PHACTR3: variants seen among roughly 807,000 people sequenced by gnomAD.
PHACTR3 encodes the protein protein phosphatase 1, regulatory subunit 123.
Under a neutral mutation model 66.8 loss-of-function variants are expected in PHACTR3, and 16 were observed. The observed-to-expected ratio is 0.24, with a 90% CI of 0.16 to 0.36. The LOEUF (loss-of-function observed/expected upper bound fraction) is 0.36. Among genes scored for constraint, PHACTR3 ranks in the 10% least tolerant of loss-of-function variants. The probability of loss-of-function intolerance (pLI) is 1.00; values close to 1 mark genes in which losing one functional copy is unlikely to be tolerated. For synonymous variants in PHACTR3, 323 were observed against 292.1 expected (o/e 1.11, Z -1.08); for missense variants, 647 against 719.9 (o/e 0.90, Z 1.16).
At chr20:59,584,285 AGT>A (rs760136206) in intron 1 of PHACTR3, among the ~76,000 whole-genome samples, 16 of 150,384 alleles carry the variant, frequency 1.1e-4, no homozygotes, top group Non-Finnish European at 2.2e-4. Flanking sequence ...GCCGTGCAAG[AGT>A]GTGTACGTGC....
At chr20:59,602,611 T>A (rs1350386776), upstream of PHACTR3, among the ~76,000 whole-genome samples, 1 of 152,090 alleles carries the variant, frequency 6.6e-6, no homozygotes, top group East Asian at 1.9e-4. Flanking sequence ...TGGTGTGATC[T>A]TTCTCCTCCC....
At chr20:59,646,261 T>C (rs923442225) in intron 1 of PHACTR3, among the ~76,000 whole-genome samples, 4 of 152,202 alleles carry the variant, frequency 2.6e-5, no homozygotes, top group African/African-American at 9.6e-5. Flanking sequence ...TGGCCTCCTT[T>C]GTATACCTGG....
intron 1 of PHACTR3, among the ~76,000 whole-genome samples, chr20:59,625,713 C>T (rs376514612): frequency 1.1e-4 from 16 of 152,110 alleles, no homozygotes; most frequent in Non-Finnish European, 1.9e-4. Flanking sequence ...ATCCTCCCTG[C>T]GGAGGCATGC....
intron 4 of PHACTR3, among the ~76,000 whole-genome samples, chr20:59,757,619 G>A (rs2039848130): frequency 6.6e-6 from 1 of 152,136 alleles, no homozygotes; most frequent in African/African-American, 2.4e-5. Context: ...CGTCGGTGGT[G>A]AAAGGGTGGG....
At chr20:59,831,088 G>C (rs548753482) in intron 8 of PHACTR3, among the ~76,000 whole-genome samples, 15 of 152,008 alleles carry the variant, frequency 9.9e-5, no homozygotes, top group African/African-American at 3.1e-4. Flanking sequence ...CAGGTGTGTC[G>C]TAGGTGACTG....
chr20:59,596,522 TTGTC>T (rs1600882191), intron 1 of PHACTR3, among the ~76,000 whole-genome samples: 1 of 152,250 alleles, frequency 6.6e-6, no homozygotes, highest in African/African-American at 2.4e-5. Flanking sequence ...ACCCAGGTTT[TTGTC>T]TGGTTAATTT....
chr20:59,696,776 G>A (rs942918941), intron 1 of PHACTR3, among the ~76,000 whole-genome samples: 4 of 152,142 alleles, frequency 2.6e-5, no homozygotes, highest in African/African-American at 9.7e-5. Context: ...GAGGCTGATG[G>A]ACCCTGGGTG....
rs569674470 is a variant in PHACTR3, at chr20:59,821,289, G to A, written c.1328+15095G>A. ...CACTCCCTGGAATAGTTGCACAGGC[G>A]GTCAGGACTGGCATGGTTGTTCCAA... On this transcript the variant is annotated intron_variant, in intron 8 of 12. Transcript: ENST00000371015. Among the ~76,000 whole-genome samples the A allele has an allele frequency of 4.6e-5, 7 of 152,126 alleles. No individual in the cohort carries two copies. The East Asian group carries it at 5.8e-4, about 13-fold the overall frequency.
chr20:59,586,238 C>A (rs958293063), intron 1 of PHACTR3, among the ~76,000 whole-genome samples: 1 of 152,192 alleles, frequency 6.6e-6, no homozygotes, highest in Admixed American at 6.5e-5. Flanking sequence ...TTGCCACTCC[C>A]CCAGAGGGCA....
chr20:59,588,039 C>T (rs980666174), intron 1 of PHACTR3, among the ~76,000 whole-genome samples: 1 of 152,186 alleles, frequency 6.6e-6, no homozygotes, highest in Admixed American at 6.5e-5. Context: ...CACATTGGTG[C>T]CTGCATTGGT....
intron 8 of PHACTR3, among the ~76,000 whole-genome samples, chr20:59,818,508 A>G (rs1404964593): frequency 6.6e-6 from 1 of 152,214 alleles, no homozygotes; most frequent in African/African-American, 2.4e-5. Flanking sequence ...GGCTTCCAAC[A>G]TACTCATAGA....
rs144479581 is a variant in PHACTR3, at chr20:59,803,745, T to C, written c.1175-2296T>C. On this transcript the variant is annotated intron_variant, in intron 7 of 12. Transcript: ENST00000371015. ...GGATGTTTACGTTGTGTTCAATTTC[T>C]TACTTTTATGAAAAAGTCCGGGATG... 1.0e-3 allele frequency among the ~76,000 whole-genome samples: 156 copies of C among 152,384 alleles called. 1 individual carries two copies. Among genetic ancestry groups the C allele is most frequent in the Middle Eastern group, 3.4e-3 (1 of 294 alleles).
intron 1 of PHACTR3, among the ~76,000 whole-genome samples, chr20:59,635,152 T>TTTCTTTC (rs1568948888): frequency 2.7e-5 from 1 of 36,450 alleles, no homozygotes; most frequent in Non-Finnish European, 5.5e-5. Flanking sequence ...TCTTTCTTTT[T>TTTCTTTC]CTTTCTTTCT....
chr20:59,830,641 A>G lies in PHACTR3; in HGVS notation c.1329-5864A>G, dbSNP rs1056389587. On this transcript the variant is annotated intron_variant, in intron 8 of 12. Transcript: ENST00000371015. This position sits in a 1 kb window ranked among gnomAD's most constrained non-coding sequence, Gnocchi z 5.8. ...AAGGTGGAAGAGACCTGGGCTCAGC[A>G]CGCCAGGTGAATAATATCAGTGCTA... is the stretch of plus-strand genomic sequence containing the variant. 2.0e-5 allele frequency among the ~76,000 whole-genome samples: 3 copies of G among 152,200 alleles called. No homozygotes were observed. The highest frequency in any genetic ancestry group is 4.4e-5 in the Non-Finnish European group (3 of 68,038).
At position 59,847,166 on chromosome 20, in the gene PHACTR3, T is replaced by C. The variant is rs2059165287; in HGVS notation, c.*36T>C. On this transcript the variant is annotated 3_prime_UTR_variant, in exon 13 of 13. Transcript: ENST00000371015. ...CTGAGAAGAATTTGTGTTTAATTTT[T>C]TGATACCAACACTGAACATTCATCA... is the stretch of plus-strand genomic sequence containing the variant. 2 of 1,472,954 alleles carry C rather than the reference T, an allele frequency of 1.4e-6. No individual in the cohort carries two copies. Among genetic ancestry groups the C allele is most frequent in the African/African-American group, 2.8e-5 (2 of 72,058 alleles). 91.2% of individuals were successfully genotyped at this position (1,472,954 alleles called of 1,614,324 possible). A position where few individuals can be genotyped will look rare whatever the true frequency, so the allele number is the denominator to read the frequency against.
chr20:59,805,905 C>A, intron 7 of PHACTR3, 136 bp from the exon 8 acceptor site: 2 of 934,312 alleles, frequency 2.1e-6, no homozygotes. Flanking sequence ...CGTGTGTCCT[C>A]TCAGTTCTAG....
At chr20:59,713,597 A>G (rs1257981649) in intron 1 of PHACTR3, among the ~76,000 whole-genome samples, 1 of 152,132 alleles carries the variant, frequency 6.6e-6, no homozygotes, top group African/African-American at 2.4e-5. Context: ...ATAATATTTC[A>G]TCATTTTCTT....
chr20:59,718,568 A>G (rs953275938), intron 1 of PHACTR3, among the ~76,000 whole-genome samples: 2 of 151,830 alleles, frequency 1.3e-5, no homozygotes, highest in African/African-American at 4.8e-5. Context: ...GCTATAGAAA[A>G]AAAAAAAACC....
chr20:59,711,583 A>ACTGAACATC (rs1383996200), intron 1 of PHACTR3, among the ~76,000 whole-genome samples: 1 of 152,184 alleles, frequency 6.6e-6, no homozygotes, highest in Admixed American at 6.5e-5. Flanking sequence ...TACCTAATCT[A>ACTGAACATC]CTGAACATCA....
Sources: gnomAD v4.1 joint callset for allele counts (sites outside exome capture counted in the v4.1 genomes callset) on GRCh38, gnomAD v4.1.1 for gene constraint, Gnocchi (gnomAD v3.1) non-coding constraint, MANE v1.5 for transcripts, NCBI Gene and HGNC (gene_info 2026-07-23, HGNC 2026-07-21) for gene names.